The following PRSS35 variants were observed in gnomAD, a reference collection of about 807,000 sequenced individuals.
PRSS35 encodes inactive serine protease 35.
Under a neutral mutation model 8.1 loss-of-function variants are expected in PRSS35, and 7 were observed. The observed-to-expected ratio is 0.86, with a 90% CI of 0.49 to 1.62. PRSS35 has a LOEUF of 1.62. PRSS35 is among the 40% of genes most tolerant of loss of function. PRSS35 has a pLI of 0.00. For missense variants in PRSS35, 566 were observed against 518.0 expected, an observed-to-expected ratio of 1.09 and a Z score of -0.90; for synonymous variants, 199 against 188.7, an observed-to-expected ratio of 1.05 and a Z score of -0.45.
chr6:83,519,849 C>T (rs1373808580), intron 1 of PRSS35, among the ~76,000 whole-genome samples: 1 of 152,074 alleles, frequency 6.6e-6, no homozygotes, highest in Non-Finnish European at 1.5e-5. Flanking sequence ...GAACCAATGC[C>T]ATTGAATGAT....
At chr6:83,516,210 TAAC>T (rs1485859514) in intron 1 of PRSS35, among the ~76,000 whole-genome samples, 1 of 152,228 alleles carries the variant, frequency 6.6e-6, no homozygotes, top group Non-Finnish European at 1.5e-5. Context: ...ACTGCTGCTG[TAAC>T]AAATTACCGA....
chr6:83,523,793 G>A lies in PRSS35; in HGVS notation c.352G>A (p.Val118Ile), dbSNP rs1379700440. The change falls in exon 2 of 2, where the codon GTT becomes ATT. Residue 118 changes from valine to isoleucine, a missense_variant. By Grantham distance (29) the Val-to-Ile change is conservative. Transcript: ENST00000369700. ...AAATATCACCACAAAGGGAGTATCT[G>A]TTAGGAGAAAGAGACAGGTGTATGG... ...TQNITTKGVS[V>I]RRKRQVYGTD... 1.9e-6 allele frequency: 3 copies of A among 1,614,186 alleles called. No individual in the cohort carries two copies. Among genetic ancestry groups the A allele is most frequent in the Admixed American group, 1.7e-5 (1 of 60,028 alleles).
At chr6:83,520,917 G>A (rs375779074) in intron 1 of PRSS35, among the ~76,000 whole-genome samples, 1 of 152,106 alleles carries the variant, frequency 6.6e-6, no homozygotes, top group East Asian at 1.9e-4. Flanking sequence ...TTGCTCCTCA[G>A]ATCATTAGTA....
chr6:83,518,396 A>T (rs2127713118), intron 1 of PRSS35, among the ~76,000 whole-genome samples: 1 of 152,298 alleles, frequency 6.6e-6, no homozygotes, highest in Non-Finnish European at 1.5e-5. Context: ...GGTCTGATGC[A>T]GTTCCAAAAT....
In PRSS35 at chr6:83,523,785, G is replaced by A; in HGVS notation, c.344G>A (p.Gly115Glu). 1.2e-6 allele frequency: 2 copies of A among 1,614,152 alleles called. No individual in the cohort carries two copies. The highest frequency in any genetic ancestry group is 1.7e-6 in the Non-Finnish European group (2 of 1,180,038). ...CCGACTCAAAATATCACCACAAAGG[G>A]AGTATCTGTTAGGAGAAAGAGACAG... ...LEPTQNITTK[G>E]VSVRRKRQVY... The change falls in exon 2 of 2, where the codon GGA becomes GAA. Residue 115 changes from glycine to glutamate, a missense_variant. Coordinates refer to ENST00000369700, the MANE Select transcript of PRSS35 (RefSeq NM_153362.3).
At position 83,524,473 on chromosome 6, in the gene PRSS35, C is replaced by G; in HGVS notation, c.1032C>G (p.Gly344=). 6.2e-7 allele frequency: 1 copy of G among 1,614,094 alleles called. No homozygotes were observed. Among genetic ancestry groups the G allele is most frequent in the African/African-American group, 1.3e-5 (1 of 75,002 alleles). The change falls in exon 2 of 2, where the codon GGC becomes GGG. Residue 344 remains glycine, a synonymous_variant. Coordinates refer to ENST00000369700, the MANE Select transcript of PRSS35 (RefSeq NM_153362.3). ...ACCAATACTGCGATGCTGAGTCGGG[C>G]TCCACCGGTTCGGGGGTCTATCTGC... The part of the protein sequence containing the change: ...LLYQYCDAES[G]STGSGVYLRL...
rs895584525 is a variant in PRSS35, at chr6:83,523,959, A to T, written c.518A>T (p.Asp173Val). 1 of 1,613,992 alleles carries T rather than the reference A, an allele frequency of 6.2e-7. No homozygotes were observed. The highest frequency in any genetic ancestry group is 1.3e-5 in the African/African-American group (1 of 74,874). Reference protein sequence around the residue: ...HVLTAAHCVHDGKDYVKGSKK... With the variant: ...HVLTAAHCVHVGKDYVKGSKK... ...CTAACTGCTGCCCACTGTGTTCATGATGGAAAGGACTATGTCAAAGGGAGT... is the reference window on the plus strand; with the variant it reads ...CTAACTGCTGCCCACTGTGTTCATGTTGGAAAGGACTATGTCAAAGGGAGT... Residue 173 changes from aspartate (D) to valine (V), a missense_variant, in exon 2 of 2, where the codon GAT (aspartate) becomes GTT (valine). By Grantham distance (152) the Asp-to-Val change is radical (BLOSUM62 -3). Transcript: ENST00000369700.
chr6:83,519,128 G>A (rs1771774769), intron 1 of PRSS35, among the ~76,000 whole-genome samples: 1 of 152,192 alleles, frequency 6.6e-6, no homozygotes, highest in African/African-American at 2.4e-5. Context: ...TCGTAGTCAA[G>A]TGTGGTCACT....
chr6:83,514,502 CT>C (rs1174119213), intron 1 of PRSS35, among the ~76,000 whole-genome samples: 2 of 152,200 alleles, frequency 1.3e-5, no homozygotes, highest in East Asian at 3.9e-4. Context: ...TTTTTTTGGT[CT>C]CCATTTATGA....
chr6:83,523,463 T>G lies in PRSS35; in HGVS notation c.22T>G (p.Leu8Val). ...CAAAATGGAAAATATGCTGCTTTGG[T>G]TGATATTTTTCACCCCTGGGTGGAC... MENMLLW[L>V]IFFTPGWTLI... is the part of the protein sequence containing the mutation. The change falls in exon 2 of 2, where the codon TTG (leucine) becomes GTG (valine). Residue 8 changes from leucine to valine, a missense_variant. Physicochemically the swap from Leu to Val is conservative, Grantham distance 32. Coordinates refer to ENST00000369700, the MANE Select transcript of PRSS35 (RefSeq NM_153362.3). The G allele has an allele frequency of 6.2e-7, 1 of 1,613,326 alleles. No homozygotes were observed. Among genetic ancestry groups the G allele is most frequent in the Non-Finnish European group, 8.5e-7 (1 of 1,179,668 alleles).
intron 1 of PRSS35, among the ~76,000 whole-genome samples, chr6:83,516,575 C>CAAAA (rs70987760): frequency 3.9e-5 from 4 of 101,894 alleles, no homozygotes; most frequent in Middle Eastern, 4.7e-3. Flanking sequence ...GACTGCGTCT[C>CAAAA]AAAAAAAAAA....
Position 83,524,488 on chromosome 6 carries a change from G to T in PRSS35, c.1047G>T (p.Gly349=). 1 of 1,614,084 alleles carries T rather than the reference G, an allele frequency of 6.2e-7. No individual in the cohort carries two copies. Among genetic ancestry groups the T allele is most frequent in the Admixed American group, 1.7e-5 (1 of 60,018 alleles). Residue 349 remains glycine, a synonymous_variant, in exon 2 of 2, where the codon GGG becomes GGT. Coordinates refer to ENST00000369700, the MANE Select transcript of PRSS35 (RefSeq NM_153362.3). ...CTGAGTCGGGCTCCACCGGTTCGGG[G>T]GTCTATCTGCGTCTGAAAGATCCAG... The part of the protein sequence containing the change: ...CDAESGSTGS[G]VYLRLKDPDK...
Position 83,524,478 on chromosome 6 carries a change from C to T in PRSS35, c.1037C>T (p.Thr346Ile), listed in dbSNP as rs1379936525. The T allele has an allele frequency of 6.2e-7, 1 of 1,614,084 alleles. No individual in the cohort carries two copies. ...TACTGCGATGCTGAGTCGGGCTCCACCGGTTCGGGGGTCTATCTGCGTCTG... is the reference window on the plus strand; with the variant it reads ...TACTGCGATGCTGAGTCGGGCTCCATCGGTTCGGGGGTCTATCTGCGTCTG... ...YQYCDAESGSTGSGVYLRLKD... is the reference protein window; with the variant it reads ...YQYCDAESGSIGSGVYLRLKD... The change falls in exon 2 of 2, where the codon ACC becomes ATC. Residue 346 changes from threonine to isoleucine, a missense_variant. Physicochemically the swap from Thr to Ile is moderately conservative, Grantham distance 89. Transcript: ENST00000369700.
At position 83,524,458 on chromosome 6, in the gene PRSS35, C is replaced by T. The variant is rs751722572; in HGVS notation, c.1017C>T (p.Cys339=). ...CCAATGATCTCCTTTACCAATACTG[C>T]GATGCTGAGTCGGGCTCCACCGGTT... is the stretch of plus-strand genomic sequence containing the variant. ...DESNDLLYQY[C]DAESGSTGSG... The change falls in exon 2 of 2, where the codon TGC becomes TGT. Residue 339 remains cysteine (C), a synonymous_variant. Transcript: ENST00000369700. 8 of 1,613,854 alleles carry T rather than the reference C, an allele frequency of 5.0e-6. No individual in the cohort carries two copies. Among genetic ancestry groups the T allele is most frequent in the Middle Eastern group, 1.6e-4 (1 of 6,084 alleles).
At chr6:83,521,802 T>C (rs1771827337) in intron 1 of PRSS35, among the ~76,000 whole-genome samples, 1 of 152,122 alleles carries the variant, frequency 6.6e-6, no homozygotes, top group Non-Finnish European at 1.5e-5. Flanking sequence ...ACACCCGGCC[T>C]GCTTAATATT....
At position 83,523,390 on chromosome 6, in the gene PRSS35, A is replaced by C; in HGVS notation, c.-20-32A>C. Reference sequence around the variant, plus strand: ...GATAAGTAAGATTTAAAAAGGAAACATTATAAACCTCTCTCTTTTTCTATT... The same window carrying C: ...GATAAGTAAGATTTAAAAAGGAAACCTTATAAACCTCTCTCTTTTTCTATT... On this transcript the variant is annotated intron_variant, in intron 1 of 1. Coordinates refer to ENST00000369700, the MANE Select transcript of PRSS35 (RefSeq NM_153362.3). The C allele has an allele frequency of 4.0e-6, 6 of 1,492,594 alleles. No homozygotes were observed. The South Asian group carries it at 7.7e-5, about 19-fold the overall frequency. 92.5% of individuals were successfully genotyped at this position (1,492,594 alleles called of 1,614,324 possible).
chr6:83,524,360 A>T lies in PRSS35; in HGVS notation c.919A>T (p.Ile307Phe), dbSNP rs765422823. ...GATCAAGAAAATGCCTGGTGGAATG[A>T]TCCACTTCTCAGGATTTGATAACGA... Reference protein sequence around the residue: ...PTIKKMPGGMIHFSGFDNDRA... With the variant: ...PTIKKMPGGMFHFSGFDNDRA... The change falls in exon 2 of 2, where the codon ATC (isoleucine) becomes TTC (phenylalanine). Residue 307 changes from isoleucine (I) to phenylalanine (F), a missense_variant. By Grantham distance (21) the Ile-to-Phe change is conservative. Transcript: ENST00000369700. 7 of 1,614,128 alleles carry T rather than the reference A, an allele frequency of 4.3e-6. No homozygotes were observed. The Admixed American group carries it at 1.2e-4, about 27-fold the overall frequency.
chr6:83,515,872 A>C (rs1010339020), intron 1 of PRSS35, among the ~76,000 whole-genome samples: 1 of 151,668 alleles, frequency 6.6e-6, no homozygotes, highest in Non-Finnish European at 1.5e-5. Flanking sequence ...CTGGAGTGCA[A>C]TGGCGTGATC....
At position 83,524,122 on chromosome 6, in the gene PRSS35, G is replaced by A. The variant is rs746769565; in HGVS notation, c.681G>A (p.Ala227=). ...CCAGAGAGCATCTGCGGGAGAGAGC[G>A]AAGGGTGGGAGAAGAAGAAAAAAAT... ...EGTREHLRER[A]KGGRRRKKSG... The change falls in exon 2 of 2, where the codon GCG becomes GCA. Residue 227 remains alanine, a synonymous_variant. Coordinates refer to ENST00000369700, the MANE Select transcript of PRSS35 (RefSeq NM_153362.3). 13 of 1,613,934 alleles carry A rather than the reference G, an allele frequency of 8.1e-6. No individual in the cohort carries two copies. The South Asian group carries it at 9.9e-5, about 12-fold the overall frequency.
Sources: gnomAD v4.1 joint callset for allele counts (sites outside exome capture counted in the v4.1 genomes callset) on GRCh38, gnomAD v4.1.1 for gene constraint, MANE v1.5 for transcripts, NCBI Gene and HGNC (gene_info 2026-07-23, HGNC 2026-07-21) for gene names.